ONECUT1: variants seen among roughly 807,000 people sequenced by gnomAD.
ONECUT1 encodes the protein one cut homeobox 1.
ONECUT1 carries 12 observed loss-of-function variants against 25.6 expected under a neutral mutation model. The ratio of observed to expected loss-of-function variants is 0.47; its 90% CI spans 0.30 to 0.76. The LOEUF is 0.76. ONECUT1 is among the 30% of genes least tolerant of loss of function. The pLI, the probability that ONECUT1 is intolerant of heterozygous loss-of-function variation, is 0.07. For missense variants in ONECUT1, 620 were observed against 651.2 expected (o/e 0.95, Z 0.52); for synonymous variants, 285 against 270.2 (o/e 1.05, Z -0.54).
chr15:52,775,310 C>T (rs1201290161), intron 1 of ONECUT1, among the ~76,000 whole-genome samples: 1 of 152,106 alleles, frequency 6.6e-6, no homozygotes, highest in Non-Finnish European at 1.5e-5. Flanking sequence ...AATTTCATTA[C>T]TCAGATAATT....
At chr15:52,782,421 A>G (rs930324808) in intron 1 of ONECUT1, among the ~76,000 whole-genome samples, 4 of 152,206 alleles carry the variant, frequency 2.6e-5, no homozygotes, top group African/African-American at 9.6e-5. Context: ...AACCTATACA[A>G]ACCTATTGAT....
At position 52,789,019 on chromosome 15, in the gene ONECUT1, A is replaced by G. The variant is rs755089414; in HGVS notation, c.866T>C (p.Met289Thr). 6.2e-7 allele frequency: 1 copy of G among 1,607,956 alleles called. No homozygotes were observed. Among genetic ancestry groups the G allele is most frequent in the African/African-American group, 1.3e-5 (1 of 74,928 alleles). ...CACCTCTTTGGTATTGATCTCTTCC[A>G]TCTGCCCTGAATTACTTCCATTGCT... ...QVSNGSNSGQ[M>T]EEINTKEVAQ... Residue 289 changes from methionine (M) to threonine (T), a missense_variant, in exon 1 of 2, where the codon ATG becomes ACG. Around this residue, in one of 4 missense-constraint regions of ONECUT1, gnomAD observed 146 missense variants for 201.8 expected, o/e 0.72. Coordinates refer to ENST00000305901, the MANE Select transcript of ONECUT1 (RefSeq NM_004498.4). This position sits in a 1 kb window ranked among gnomAD's most constrained non-coding sequence, Gnocchi z 4.1.
chr15:52,758,183 T>G (rs991418243), intron 1 of ONECUT1, among the ~76,000 whole-genome samples: 2 of 152,220 alleles, frequency 1.3e-5, no homozygotes, highest in Non-Finnish European at 1.5e-5. Flanking sequence ...TTTGAACCTT[T>G]ATTTCTTCAT....
At chr15:52,766,857 A>G (rs138918092) in intron 1 of ONECUT1, among the ~76,000 whole-genome samples, 34 of 152,154 alleles carry the variant, frequency 2.2e-4, no homozygotes, top group African/African-American at 7.7e-4. Context: ...CTGCCATCCC[A>G]TAGTCTGCTG....
chr15:52,790,168 G>T lies in ONECUT1; in HGVS notation c.-284C>A, dbSNP rs943493684. On this transcript the variant is annotated 5_prime_UTR_variant, in exon 1 of 2. Coordinates refer to ENST00000305901, the MANE Select transcript of ONECUT1 (RefSeq NM_004498.4). Reference sequence around the variant, plus strand: ...TAATATTAATTTCCAAAGAGGATCCGCGCCGTTGGGAGAGCGCAGTGCCCC... The same window carrying T: ...TAATATTAATTTCCAAAGAGGATCCTCGCCGTTGGGAGAGCGCAGTGCCCC... 6.7e-6 allele frequency among the ~76,000 whole-genome samples: 1 copy of T among 148,698 alleles called. No individual in the cohort carries two copies. The highest frequency in any genetic ancestry group is 6.7e-5 in the Admixed American group (1 of 14,954).
In ONECUT1 at chr15:52,755,806, G is replaced by T. The variant is rs1275404789; in HGVS notation, c.*1749C>A. ...GCATAAGGGGCATCCACTTAGATAA[G>T]TTACAGTCCAACTGAATTCAGAGAG... On this transcript the variant is annotated 3_prime_UTR_variant, in exon 2 of 2. Coordinates refer to ENST00000305901, the MANE Select transcript of ONECUT1 (RefSeq NM_004498.4). 6.6e-6 allele frequency among the ~76,000 whole-genome samples: 1 copy of T among 152,122 alleles called. No individual in the cohort carries two copies. The highest frequency in any genetic ancestry group is 1.5e-5 in the Non-Finnish European group (1 of 68,028).
intron 1 of ONECUT1, among the ~76,000 whole-genome samples, chr15:52,762,221 C>T (rs1159253201): frequency 2.0e-5 from 3 of 152,186 alleles, no homozygotes. Context: ...TGGCATTTGG[C>T]AGGACTGTCT....
At chr15:52,766,055 A>G (rs1489384132) in intron 1 of ONECUT1, among the ~76,000 whole-genome samples, 1 of 151,900 alleles carries the variant, frequency 6.6e-6, no homozygotes, top group Non-Finnish European at 1.5e-5. Context: ...AACTATGGAA[A>G]CTCTTTTGGT....
In ONECUT1 at chr15:52,784,052, C is replaced by A. The variant is rs2083858192; in HGVS notation, c.1105+4728G>T. ...TTCTTCGCTGCCGCGGGCTGAACCA[C>A]GGACGCTCGCGGGTCGCCCAGCCCC... On this transcript the variant is annotated intron_variant, in intron 1 of 1. Transcript: ENST00000305901. This position sits in a 1 kb window ranked among gnomAD's most constrained non-coding sequence, Gnocchi z 5.0. 6.6e-6 allele frequency among the ~76,000 whole-genome samples: 1 copy of A among 152,228 alleles called. No individual in the cohort carries two copies.
In ONECUT1 at chr15:52,789,111, G is replaced by A; in HGVS notation, c.774C>T (p.Ala258=). The A allele has an allele frequency of 6.2e-7, 1 of 1,601,292 alleles. No homozygotes were observed. Among genetic ancestry groups the A allele is most frequent in the South Asian group, 1.1e-5 (1 of 91,064 alleles). Residue 258 remains alanine (A), a synonymous_variant, in exon 1 of 2, where the codon GCC becomes GCT. Coordinates refer to ENST00000305901, the MANE Select transcript of ONECUT1 (RefSeq NM_004498.4). The surrounding 1 kb of genome is among the most constrained non-coding windows in gnomAD (Gnocchi z 4.1). ...TGCCCAGGAGTTGCCCGTGGCCCTGGGCGTTCAGGTGGGCGTGGGGATGGT... is the reference window on the plus strand; with the variant it reads ...TGCCCAGGAGTTGCCCGTGGCCCTGAGCGTTCAGGTGGGCGTGGGGATGGT... ...PPHHPHAHLN[A]QGHGQLLGTA...
intron 1 of ONECUT1, among the ~76,000 whole-genome samples, chr15:52,772,324 G>T (rs2083773190): frequency 6.6e-6 from 1 of 151,278 alleles, no homozygotes; most frequent in African/African-American, 2.4e-5. Flanking sequence ...AACCCGGGAT[G>T]CAGAGGTTGC....
At position 52,789,349 on chromosome 15, in the gene ONECUT1, A is replaced by T. The variant is rs767854535; in HGVS notation, c.536T>A (p.Leu179His). ...HKDVAGMGQS[L>H]SPLSSSGLGS... ...CAGACCGGAGCTGGAGAGGGGCGAG[A>T]GGCTCTGGCCCATGCCGGCCACGTC... is the stretch of plus-strand genomic sequence containing the variant. Residue 179 changes from leucine to histidine, a missense_variant, in exon 1 of 2, where the codon CTC (leucine) becomes CAC (histidine). By Grantham distance (99) the Leu-to-His change is moderately conservative. Transcript: ENST00000305901. The surrounding 1 kb of genome is among the most constrained non-coding windows in gnomAD (Gnocchi z 4.1). 20 of 1,598,050 alleles carry T rather than the reference A, an allele frequency of 1.3e-5. No individual in the cohort carries two copies. The highest frequency in any genetic ancestry group is 1.7e-5 in the Non-Finnish European group (20 of 1,170,292).
intron 1 of ONECUT1, chr15:52,787,230 G>A (rs925647830): frequency 1.3e-5 from 2 of 152,260 alleles, no homozygotes; most frequent in African/African-American, 4.8e-5. Context: ...CCTGCATGAG[G>A]ACTTTGCCTG....
At chr15:52,762,072 A>G (rs1156677696) in intron 1 of ONECUT1, among the ~76,000 whole-genome samples, 1 of 152,220 alleles carries the variant, frequency 6.6e-6, no homozygotes, top group Non-Finnish European at 1.5e-5. Context: ...ACACTCACTC[A>G]TGGGAAAGTA....
At chr15:52,761,576 CAGG>C in intron 1 of ONECUT1, among the ~76,000 whole-genome samples, 1 of 152,252 alleles carries the variant, frequency 6.6e-6, no homozygotes, top group Non-Finnish European at 1.5e-5. Flanking sequence ...GAGGCTGAGG[CAGG>C]AGAATTGCTT....
Position 52,777,254 on chromosome 15 carries a change from TAA to T in ONECUT1, c.1105+11524_1105+11525del, listed in dbSNP as rs377614802. Among the ~76,000 whole-genome samples, 519 of 152,218 alleles carry T rather than the reference TAA, an allele frequency of 3.4e-3. 2 individuals carry two copies. The highest frequency in any genetic ancestry group is 0.012 in the African/African-American group (491 of 41,526). The stretch of plus-strand genomic sequence containing the variant: ...AGTAAGTAGGAAAAGGGAGTAAAAA[TAA>T]GAGTCATCTACCCTTAAATTCTCAA... On this transcript the variant is annotated intron_variant, in intron 1 of 1. Coordinates refer to ENST00000305901, the MANE Select transcript of ONECUT1 (RefSeq NM_004498.4).
chr15:52,774,552 G>A (rs551999685), intron 1 of ONECUT1, among the ~76,000 whole-genome samples: 4 of 152,024 alleles, frequency 2.6e-5, no homozygotes, highest in South Asian at 2.1e-4. Flanking sequence ...CTCCCACCTC[G>A]CCCTCCCAAA....
intron 1 of ONECUT1, among the ~76,000 whole-genome samples, chr15:52,782,737 G>A (rs1356515056): frequency 6.6e-6 from 1 of 152,174 alleles, no homozygotes; most frequent in Non-Finnish European, 1.5e-5. Flanking sequence ...TGGAAATTCT[G>A]CTGTTTTAAT....
At position 52,775,234 on chromosome 15, in the gene ONECUT1, A is replaced by G. The variant is rs936207622; in HGVS notation, c.1105+13546T>C. 4.6e-5 allele frequency among the ~76,000 whole-genome samples: 7 copies of G among 151,530 alleles called. 1 individual carries two copies. The highest frequency in any genetic ancestry group is 1.0e-4 in the Non-Finnish European group (7 of 67,950). On this transcript the variant is annotated intron_variant, in intron 1 of 1. Transcript: ENST00000305901. ...AATAAGCTAGAATAAGGGGACCACC[A>G]CTGAAGCACTTGGGAGCATTTTCAA...
Sources: allele counts gnomAD v4.1 joint callset (sites outside exome capture counted in the v4.1 genomes callset), GRCh38; gene constraint gnomAD v4.1.1; regional missense constraint gnomAD v4.1.1; non-coding constraint Gnocchi (gnomAD v3.1); transcripts MANE v1.5; gene names NCBI Gene and HGNC (gene_info 2026-07-23, HGNC 2026-07-21).